Variants in PAX8 observed in about 807,000 individuals in gnomAD.
The protein encoded by PAX8 is paired box 8, also known as paired box protein Pax-8.
Under a neutral mutation model 52.4 loss-of-function variants are expected in PAX8, and 15 were observed. The ratio of observed to expected loss-of-function variants is 0.29; its 90% CI spans 0.19 to 0.44. The LOEUF (loss-of-function observed/expected upper bound fraction) is 0.44, where lower values mean the gene tolerates loss of function less well. PAX8 is among the 20% of genes least tolerant of loss of function. The pLI, the probability that PAX8 is intolerant of heterozygous loss-of-function variation, is 1.00. For missense variants in PAX8, 554 were observed against 602.5 expected, an observed-to-expected ratio of 0.92 and a Z score of 0.84; for synonymous variants, 284 against 249.7, an observed-to-expected ratio of 1.14 and a Z score of -1.29.
intron 3 of PAX8, among the ~76,000 whole-genome samples, chr2:113,245,804 C>T (rs1458867243): frequency 6.6e-6 from 1 of 152,190 alleles, no homozygotes; most frequent in East Asian, 1.9e-4. Flanking sequence ...CACAGGAATC[C>T]CCTCTCCCTA....
chr2:113,234,814 G>T (rs79576586), intron 9 of PAX8, among the ~76,000 whole-genome samples: 1 of 152,138 alleles, frequency 6.6e-6, no homozygotes, highest in African/African-American at 2.4e-5. Context: ...CACCTCGCCC[G>T]GTCGGTGCTT....
rs766218592 is a variant in PAX8 at position 113,244,035 on chromosome 2, ATGAT to A, written c.389+388_389+391del. On this transcript the variant is annotated intron_variant, in intron 4 of 11. Coordinates refer to ENST00000429538, the MANE Select transcript of PAX8 (RefSeq NM_003466.4). ...AATGAACAAGCGAGTGAGTAAGTAA[ATGAT>A]TGATTGAGGCAGTGAGTGAATCATT... 2.4e-4 allele frequency among the ~76,000 whole-genome samples: 37 copies of A among 152,362 alleles called. No homozygotes were observed. In the South Asian group the frequency reaches 3.7e-3, roughly 15 times the overall value.
At chr2:113,275,435 C>T (rs1378627253) in intron 2 of PAX8, 1 of 152,186 alleles carries the variant, frequency 6.6e-6, no homozygotes, top group Non-Finnish European at 1.5e-5. Context: ...GAAAACAGAT[C>T]CTTTCCAAAT....
At chr2:113,227,581 G>A (rs1221911248) in intron 9 of PAX8, among the ~76,000 whole-genome samples, 4 of 152,220 alleles carry the variant, frequency 2.6e-5, no homozygotes, top group African/African-American at 9.6e-5. Context: ...CTGAGGTTAT[G>A]TCTTCTGTTT....
intron 2 of PAX8, chr2:113,255,456 A>AG (rs1491312511): frequency 6.6e-6 from 1 of 152,344 alleles, no homozygotes; most frequent in Non-Finnish European, 1.5e-5. Flanking sequence ...CAAAAAAAAA[A>AG]GAGGTTTGCC....
At position 113,267,857 on chromosome 2, in the gene PAX8, T is replaced by G. The variant is rs1693190658; in HGVS notation, c.25+10513A>C. 3.9e-5 allele frequency: 6 copies of G among 152,374 alleles called. No homozygotes were observed. In the South Asian group the frequency reaches 1.2e-3, roughly 32 times the overall value. 9.4% of individuals were successfully genotyped at this position (152,374 alleles called of 1,614,324 possible). The stretch of plus-strand genomic sequence containing the variant: ...TGAGATGGGGAATATTGTATTCATG[T>G]GTGCATGTATATGTCTGTGAGTACT... On this transcript the variant is annotated intron_variant, in intron 2 of 11. Transcript: ENST00000429538.
chr2:113,248,030 G>A (rs1335250156), intron 2 of PAX8, among the ~76,000 whole-genome samples: 1 of 152,170 alleles, frequency 6.6e-6, no homozygotes, highest in Non-Finnish European at 1.5e-5. Flanking sequence ...GCCAAGTGAG[G>A]GAGAGAGGGG....
chr2:113,226,763 C>T (rs754204793), intron 10 of PAX8: 59 of 1,177,256 alleles, frequency 5.0e-5, no homozygotes, highest in Non-Finnish European at 6.1e-5. Flanking sequence ...ACTGGGAGAC[C>T]AGCACTGCTT....
At position 113,262,216 on chromosome 2, in the gene PAX8, A is replaced by G. The variant is rs150820478; in HGVS notation, c.26-15297T>C. Reference sequence around the variant, plus strand: ...TTTTTTGTAGAGAGGTGATTTTGCTATGATGCTCAGGCTGGTCTTGAACTC... The same window carrying G: ...TTTTTTGTAGAGAGGTGATTTTGCTGTGATGCTCAGGCTGGTCTTGAACTC... On this transcript the variant is annotated intron_variant, in intron 2 of 11. Transcript: ENST00000429538. Among the ~76,000 whole-genome samples, 8 of 152,102 alleles carry G rather than the reference A, an allele frequency of 5.3e-5. No homozygotes were observed. The East Asian group carries it at 1.5e-3, about 29-fold the overall frequency.
chr2:113,222,552 A>G, intron 10 of PAX8, among the ~76,000 whole-genome samples: 1 of 152,246 alleles, frequency 6.6e-6, no homozygotes, highest in East Asian at 1.9e-4. Context: ...CCCCGATGAA[A>G]GGCCAACCCT....
rs1689053216 is a variant in PAX8, at chr2:113,217,113, A to G, written c.*1420T>C. The stretch of plus-strand genomic sequence containing the variant: ...AACAGCAACTCCTTGTGGGGAGTCT[A>G]TGGTTGGCTCAGTACTGTGCTATCC... On this transcript the variant is annotated 3_prime_UTR_variant, in exon 12 of 12. Coordinates refer to ENST00000429538, the MANE Select transcript of PAX8 (RefSeq NM_003466.4). The G allele has an allele frequency of 4.4e-6, 1 of 228,730 alleles. No individual in the cohort carries two copies. The highest frequency in any genetic ancestry group is 5.7e-5 in the Admixed American group (1 of 17,628). 14.2% of individuals were successfully genotyped at this position (228,730 alleles called of 1,614,324 possible). A position where few individuals can be genotyped will look rare whatever the true frequency, so the allele number is the denominator to read the frequency against.
chr2:113,258,604 C>G (rs1573513997), intron 2 of PAX8, among the ~76,000 whole-genome samples: 1 of 152,240 alleles, frequency 6.6e-6, no homozygotes, highest in Admixed American at 6.5e-5. Flanking sequence ...ATCTTCCCCT[C>G]AAAGGCATTC....
At chr2:113,243,452 C>T (rs972168362) in intron 4 of PAX8, among the ~76,000 whole-genome samples, 5 of 152,004 alleles carry the variant, frequency 3.3e-5, no homozygotes, top group Admixed American at 2.0e-4. Flanking sequence ...AGTCCAGTGG[C>T]GTGATCTCAG....
chr2:113,263,943 GAAGT>G (rs1247766329), intron 2 of PAX8, among the ~76,000 whole-genome samples: 1 of 152,200 alleles, frequency 6.6e-6, no homozygotes, highest in Non-Finnish European at 1.5e-5. Context: ...GAAAAAAAAG[GAAGT>G]AAGGAAGAAG....
chr2:113,240,213 G>A (rs781321038), intron 7 of PAX8: 3 of 152,334 alleles, frequency 2.0e-5, no homozygotes, highest in Non-Finnish European at 4.4e-5. Context: ...GCTGACTGGT[G>A]CGTGAGCACC....
chr2:113,251,459 G>C (rs1441189700), intron 2 of PAX8, among the ~76,000 whole-genome samples: 1 of 151,990 alleles, frequency 6.6e-6, no homozygotes, highest in Non-Finnish European at 1.5e-5. Context: ...ATTGTGAGTG[G>C]GGAGGTGGGG....
chr2:113,244,771 G>T (rs1190729446), intron 3 of PAX8, 147 bp from the exon 4 acceptor site: 12 of 743,340 alleles, frequency 1.6e-5, no homozygotes, highest in Non-Finnish European at 2.3e-5. Flanking sequence ...TCAAACGCTT[G>T]ATGTGCATGG....
intron 3 of PAX8, 130 bp from the exon 4 acceptor site, chr2:113,244,754 G>C (rs538529378): frequency 2.3e-6 from 2 of 858,164 alleles, no homozygotes; most frequent in South Asian, 1.4e-5. Context: ...TGCCTCCAAG[G>C]CTGGTCTCAA....
intron 2 of PAX8, among the ~76,000 whole-genome samples, chr2:113,249,904 A>T (rs1466500456): frequency 1.3e-5 from 2 of 151,906 alleles, no homozygotes; most frequent in African/African-American, 4.8e-5. Context: ...TTTTTTTTCA[A>T]CCTTAGTGTT....
Sources: allele counts gnomAD v4.1 joint callset (sites outside exome capture counted in the v4.1 genomes callset), GRCh38; gene constraint gnomAD v4.1.1; transcripts MANE v1.5; gene names NCBI Gene and HGNC (gene_info 2026-07-23, HGNC 2026-07-21).